GALK2: variants seen among roughly 807,000 people sequenced by gnomAD.
GALK2 encodes the protein galactokinase 2, also known as N-acetylgalactosamine kinase.
A neutral mutation model predicts 52.4 loss-of-function variants in GALK2; 36 were observed. The observed-to-expected ratio is 0.69, with a 90% CI of 0.53 to 0.91. The LOEUF is 0.91. GALK2 is among the 40% of genes least tolerant of loss of function. GALK2 has a pLI of 0.00. For missense variants in GALK2, 579 were observed against 559.1 expected, an observed-to-expected ratio of 1.04 and a Z score of -0.36; for synonymous variants, 176 against 199.1, an observed-to-expected ratio of 0.88 and a Z score of 0.98.
intron 8 of GALK2, among the ~76,000 whole-genome samples, chr15:49,307,206 C>T (rs563630165): frequency 2.9e-4 from 44 of 152,236 alleles, no homozygotes; most frequent in Non-Finnish European, 3.8e-4. Context: ...TGGTACTCTG[C>T]ATGCTGCCAG....
At chr15:49,241,564 T>C (rs549454931) in intron 5 of GALK2, among the ~76,000 whole-genome samples, 1 of 152,162 alleles carries the variant, frequency 6.6e-6, no homozygotes, top group Non-Finnish European at 1.5e-5. Flanking sequence ...ACAAAGAAGT[T>C]GTACAAAACT....
Position 49,212,330 on chromosome 15 carries a change from ATCTGC to A in GALK2, c.143-4859_143-4855del, listed in dbSNP as rs570190111. ...CTGGTCTTGAACGCCTGGCCTTGTGATCTGCCCACCTTGGCCTCCCCTCCCAAAGT... is the reference window on the plus strand; with the variant it reads ...CTGGTCTTGAACGCCTGGCCTTGTGACCACCTTGGCCTCCCCTCCCAAAGT... On this transcript the variant is annotated intron_variant, in intron 2 of 9. Transcript: ENST00000560031. 8.1e-3 allele frequency among the ~76,000 whole-genome samples: 1,234 copies of A among 152,198 alleles called. 17 individuals carry two copies. The highest frequency in any genetic ancestry group is 0.029 in the African/African-American group (1,187 of 41,514).
chr15:49,313,101 A>G (rs2036128227), intron 8 of GALK2, among the ~76,000 whole-genome samples: 1 of 152,204 alleles, frequency 6.6e-6, no homozygotes, highest in Non-Finnish European at 1.5e-5. Context: ...TGTGTGGAAT[A>G]AAGTGTGTGT....
At chr15:49,156,972 C>T in intron 1 of GALK2, 1 of 308,954 alleles carries the variant, frequency 3.2e-6, no homozygotes, top group South Asian at 3.0e-5. Flanking sequence ...AGAGCATCCT[C>T]TTAATATTTA....
At chr15:49,186,003 G>A (rs1413016684) in intron 1 of GALK2, among the ~76,000 whole-genome samples, 2 of 151,980 alleles carry the variant, frequency 1.3e-5, no homozygotes. Context: ...TATGTTACTG[G>A]TTTCTCTTCT....
intron 3 of GALK2, among the ~76,000 whole-genome samples, chr15:49,358,501 A>G (rs1267111156): frequency 1.4e-5 from 2 of 146,874 alleles, no homozygotes; most frequent in Non-Finnish European, 3.0e-5. Flanking sequence ...CTTCAAAGAG[A>G]ATAAAATACC....
rs139377249 is a variant in GALK2, at chr15:49,367,574, C to T, written c.*38C>T. The stretch of plus-strand genomic sequence containing the variant: ...CTGACCTCCAAAATTGAAGAGAACA[C>T]GATTAAACTCTGGACCAGTACTACT... On this transcript the variant is annotated 3_prime_UTR_variant, in exon 4 of 4. Transcript: ENST00000558399. 6.4e-5 allele frequency: 103 copies of T among 1,600,198 alleles called. No individual in the cohort carries two copies. The African/African-American group carries it at 1.2e-3, about 19-fold the overall frequency.
At chr15:49,194,102 G>A (rs1595597781) in intron 1 of GALK2, 1 of 152,220 alleles carries the variant, frequency 6.6e-6, no homozygotes, top group African/African-American at 2.4e-5. Flanking sequence ...CCGAGTGGGG[G>A]AGATCACGTG....
intron 3 of GALK2, among the ~76,000 whole-genome samples, chr15:49,220,979 A>G (rs956100402): frequency 6.6e-6 from 1 of 152,164 alleles, no homozygotes; most frequent in Non-Finnish European, 1.5e-5. Flanking sequence ...TATTTTGGAT[A>G]TTAGTTCCTT....
Position 49,283,587 on chromosome 15 carries a change from C to A in GALK2, c.625C>A (p.Pro209Thr), listed in dbSNP as rs778510124. Reference sequence around the variant, plus strand: ...ACAGGCCAAGTTGATAGAATTTAGTCCTCTGAGGGCAACCGATGTAAAACT... The same window carrying A: ...ACAGGCCAAGTTGATAGAATTTAGTACTCTGAGGGCAACCGATGTAAAACT... ...EGTAKLIEFS[P>T]LRATDVKLPS... The change falls in exon 7 of 10, where the codon CCT (proline) becomes ACT (threonine). Residue 209 changes from proline to threonine, a missense_variant. Coordinates refer to ENST00000560031, the MANE Select transcript of GALK2 (RefSeq NM_002044.4). 9.3e-6 allele frequency: 15 copies of A among 1,613,212 alleles called. No homozygotes were observed. In the East Asian group the frequency reaches 2.9e-4, roughly 31 times the overall value.
At chr15:49,331,913 T>C (rs923135221), downstream of GALK2, 7 of 900,730 alleles carry the variant, frequency 7.8e-6, no homozygotes, top group African/African-American at 9.9e-5. Context: ...ACCATCTAAA[T>C]AGCCAACATT....
At chr15:49,208,087 A>G (rs2263559) in intron 2 of GALK2, among the ~76,000 whole-genome samples, 80,259 of 152,052 alleles carry the variant, frequency 0.53, 21,657 homozygotes, top group Admixed American at 0.63. Context: ...TTATCTTTTC[A>G]AAGACCCATC....
intron 5 of GALK2, among the ~76,000 whole-genome samples, chr15:49,266,294 A>C (rs544122206): frequency 1.3e-5 from 2 of 152,088 alleles, no homozygotes; most frequent in Non-Finnish European, 1.5e-5. Flanking sequence ...GAGCAAAGCA[A>C]GTTTTATCCC....
chr15:49,360,338 T>G (rs1490708663), intron 3 of GALK2, among the ~76,000 whole-genome samples: 2 of 152,162 alleles, frequency 1.3e-5, no homozygotes, highest in Non-Finnish European at 2.9e-5. Flanking sequence ...TTCAGATTTT[T>G]CTAAACTGCA....
intron 3 of GALK2, among the ~76,000 whole-genome samples, chr15:49,219,363 C>T (rs1278280734): frequency 3.9e-5 from 6 of 152,176 alleles, no homozygotes; most frequent in East Asian, 1.9e-4. Context: ...TGATATAAGA[C>T]GTGACTTGCT....
intron 5 of GALK2, among the ~76,000 whole-genome samples, chr15:49,241,269 T>C (rs1365613345): frequency 6.6e-6 from 1 of 152,144 alleles, no homozygotes; most frequent in African/African-American, 2.4e-5. Context: ...TATCATTGTT[T>C]TTGAAGCCAT....
chr15:49,265,059 C>T (rs1422286168), intron 5 of GALK2, among the ~76,000 whole-genome samples: 1 of 152,210 alleles, frequency 6.6e-6, no homozygotes, highest in Non-Finnish European at 1.5e-5. Context: ...TCTGCCCATT[C>T]TCAGATCTCC....
chr15:49,311,772 C>T (rs550185972), intron 8 of GALK2, among the ~76,000 whole-genome samples: 9 of 152,320 alleles, frequency 5.9e-5, no homozygotes, highest in South Asian at 4.1e-4. Flanking sequence ...AGCCATTGTG[C>T]GTTCTCCAAA....
chr15:49,345,994 GA>G (rs1459216581), intron 3 of GALK2, among the ~76,000 whole-genome samples: 3 of 151,940 alleles, frequency 2.0e-5, no homozygotes, highest in African/African-American at 7.3e-5. Context: ...TTGAAACCAA[GA>G]GGTTAATTTG....
Sources: allele counts gnomAD v4.1 joint callset (sites outside exome capture counted in the v4.1 genomes callset), GRCh38; gene constraint gnomAD v4.1.1; transcripts MANE v1.5; gene names NCBI Gene and HGNC (gene_info 2026-07-23, HGNC 2026-07-21).